Variants in HOXB3 observed in about 807,000 individuals in gnomAD.
The protein encoded by HOXB3 is homeobox B3.
Under a neutral mutation model 29.2 loss-of-function variants are expected in HOXB3, and 17 were observed. The observed-to-expected ratio is 0.58, with a 90% CI of 0.40 to 0.87. The LOEUF (loss-of-function observed/expected upper bound fraction) is 0.87. Among genes scored for constraint, HOXB3 ranks in the 40% least tolerant of loss-of-function variants. The pLI is 0.00. For missense variants in HOXB3, 637 were observed against 616.3 expected (o/e 1.03, Z -0.35); for synonymous variants, 317 against 285.9 (o/e 1.11, Z -1.10).
chr17:48,587,216 C>T (rs1236412088), intron 1 of HOXB3, among the ~76,000 whole-genome samples: 1 of 152,108 alleles, frequency 6.6e-6, no homozygotes, highest in Non-Finnish European at 1.5e-5. Context: ...AAGGGGCCCC[C>T]GTTTTTCCCT....
intron 2 of HOXB3, chr17:48,560,397 TTG>T (rs1452024419): frequency 2.1e-5 from 1 of 46,666 alleles, no homozygotes; most frequent in Admixed American, 1.9e-4. Flanking sequence ...GCCAGCTCTT[TTG>T]TTTTTTTTTT....
chr17:48,555,331 A>T, intron 3 of HOXB3, 200 bp downstream of exon 3: 1 of 510,480 alleles, frequency 2.0e-6, no homozygotes, highest in Non-Finnish European at 3.4e-6. Context: ...GGGGAGAGAG[A>T]GAGGGAGAGA....
rs2068868759 is a variant in HOXB3, at chr17:48,554,154, ACCATTAG to A, written c.-159+1370_-159+1376del. Reference sequence around the variant, plus strand: ...CTGACCCAATCCCTTTATTATTATTACCATTAGCCTCTGCTGATTTAACCAAAATTAG... The same window carrying A: ...CTGACCCAATCCCTTTATTATTATTACCTCTGCTGATTTAACCAAAATTAG... On this transcript the variant is annotated intron_variant, in intron 3 of 4. Coordinates refer to ENST00000498678, the MANE Select transcript of HOXB3 (RefSeq NM_001384749.1). The surrounding 1 kb of genome is among the most constrained non-coding windows in gnomAD (Gnocchi z 4.1). 5.9e-6 allele frequency: 1 copy of A among 168,408 alleles called. No individual in the cohort carries two copies. Among genetic ancestry groups the A allele is most frequent in the Admixed American group, 5.5e-5 (1 of 18,194 alleles). The allele number at this position is 168,408 out of a possible 1,614,324, so 10.4% of individuals were successfully genotyped here.
intron 2 of HOXB3, among the ~76,000 whole-genome samples, chr17:48,565,504 C>T (rs1046157780): frequency 1.3e-5 from 2 of 152,228 alleles, no homozygotes; most frequent in Admixed American, 1.3e-4. Flanking sequence ...TTCTAACCAT[C>T]TCTGTTGTCT....
At chr17:48,551,968 A>T in intron 4 of HOXB3, 59 bp downstream of exon 4, 1 of 1,484,968 alleles carries the variant, frequency 6.7e-7, no homozygotes, top group Non-Finnish European at 9.1e-7. Flanking sequence ...GTGCTAGAAT[A>T]ACAGTGACAT....
In HOXB3 at chr17:48,564,097, T is replaced by C. The variant is rs533810572; in HGVS notation, c.-246-8479A>G. On this transcript the variant is annotated intron_variant, in intron 2 of 4. Coordinates refer to ENST00000498678, the MANE Select transcript of HOXB3 (RefSeq NM_001384749.1). ...CCTTTCAAAGTTGCTCTCATCTTCGTCTTCAATTCGGATCCCGGCCTGTCC... is the reference window on the plus strand; with the variant it reads ...CCTTTCAAAGTTGCTCTCATCTTCGCCTTCAATTCGGATCCCGGCCTGTCC... Among the ~76,000 whole-genome samples, 40 of 148,410 alleles carry C rather than the reference T, an allele frequency of 2.7e-4. 1 individual carries two copies. The East Asian group carries it at 7.6e-3, about 28-fold the overall frequency.
intron 1 of HOXB3, chr17:48,582,399 C>G (rs2069966022): frequency 6.6e-6 from 1 of 152,158 alleles, no homozygotes; most frequent in South Asian, 2.1e-4. Flanking sequence ...CGGACCGCGG[C>G]GGCGGACACA....
At chr17:48,581,679 C>T (rs1332981317) in intron 1 of HOXB3, 2 of 152,228 alleles carry the variant, frequency 1.3e-5, no homozygotes, top group Admixed American at 6.5e-5. Flanking sequence ...CTGCTCTACA[C>T]TTCACAAGGG....
rs915555590 is a variant in HOXB3, at chr17:48,554,490, T to C, written c.-159+1041A>G. 2 of 612,958 alleles carry C rather than the reference T, an allele frequency of 3.3e-6. No homozygotes were observed. The highest frequency in any genetic ancestry group is 2.9e-6 in the Non-Finnish European group (1 of 343,978). 38.0% of individuals were successfully genotyped at this position (612,958 alleles called of 1,614,324 possible). On this transcript the variant is annotated intron_variant, in intron 3 of 4. Coordinates refer to ENST00000498678, the MANE Select transcript of HOXB3 (RefSeq NM_001384749.1). The surrounding 1 kb of genome is among the most constrained non-coding windows in gnomAD (Gnocchi z 4.1). ...GAAAGCGAAGGAGCCAGAGACGCGA[T>C]AGGAAAGAATGGAGACTCCGCCGGT...
intron 3 of HOXB3, 61 bp downstream of exon 3, chr17:48,555,470 A>C: frequency 1.4e-6 from 1 of 702,056 alleles, no homozygotes; most frequent in South Asian, 1.5e-5. Flanking sequence ...TATGGGCCAT[A>C]AATCATTGAG....
intron 3 of HOXB3, chr17:48,553,956 G>A (rs2068864261): frequency 6.6e-6 from 1 of 152,196 alleles, no homozygotes; most frequent in Admixed American, 6.5e-5. Flanking sequence ...TAAAATAAAA[G>A]GAGTGCAGGT....
chr17:48,550,733 C>T lies in HOXB3; in HGVS notation c.897G>A (p.Gln299=). 3 of 1,579,060 alleles carry T rather than the reference C, an allele frequency of 1.9e-6. No individual in the cohort carries two copies. Among genetic ancestry groups the T allele is most frequent in the Non-Finnish European group, 2.6e-6 (3 of 1,160,278 alleles). ...PSPPAFGKAH[Q]NAYALPSNYQ... is the part of the protein sequence containing the mutation. ...AGTTGGAGGGCAGCGCGTAGGCATT[C>T]TGGTGGGCTTTACCGAAGGCGGGTG... The change falls in exon 5 of 5, where the codon CAG becomes CAA. Residue 299 remains glutamine, a synonymous_variant. Coordinates refer to ENST00000498678, the MANE Select transcript of HOXB3 (RefSeq NM_001384749.1).
rs780233987 is a variant in HOXB3, at chr17:48,550,824, A to G, written c.806T>C (p.Met269Thr). ...PSPAGSPPQP[M>T]QSTAGFMNAL... ...GTTCATGAAGCCGGCCGTGGACTGCATGGGCTGCGGGGGGCTGCCGGCTGG... is the reference window on the plus strand; with the variant it reads ...GTTCATGAAGCCGGCCGTGGACTGCGTGGGCTGCGGGGGGCTGCCGGCTGG... The change falls in exon 5 of 5, where the codon ATG becomes ACG. Residue 269 changes from methionine (M) to threonine (T), a missense_variant. By Grantham distance (81) the Met-to-Thr change is moderately conservative (BLOSUM62 -1). Coordinates refer to ENST00000498678, the MANE Select transcript of HOXB3 (RefSeq NM_001384749.1). The G allele has an allele frequency of 1.2e-6, 2 of 1,613,674 alleles. No individual in the cohort carries two copies. Among genetic ancestry groups the G allele is most frequent in the African/African-American group, 1.3e-5 (1 of 74,954 alleles).
chr17:48,588,313 T>G (rs1435868530), intron 1 of HOXB3, among the ~76,000 whole-genome samples: 1 of 152,188 alleles, frequency 6.6e-6, no homozygotes, highest in Non-Finnish European at 1.5e-5. Flanking sequence ...GAGGTGGAAG[T>G]GGGCACCCCA....
chr17:48,584,541 C>T (rs976136733), intron 1 of HOXB3, among the ~76,000 whole-genome samples: 4 of 152,212 alleles, frequency 2.6e-5, no homozygotes, highest in Non-Finnish European at 4.4e-5. Context: ...CAAACCTTCA[C>T]ATTGGAAGTA....
intron 1 of HOXB3, among the ~76,000 whole-genome samples, chr17:48,584,880 C>A (rs956234058): frequency 5.9e-5 from 9 of 152,066 alleles, no homozygotes; most frequent in Non-Finnish European, 1.2e-4. Context: ...ATCCCAGGCT[C>A]CCTCGTCCGT....
Position 48,550,351 on chromosome 17 carries a change from T to C in HOXB3, c.1279A>G (p.Lys427Glu). ...PPQGRIQEAP[K>E]LTHL ...CTTTCCCATCACAGGTGTGTTAATT[T>C]GGGCGCTTCTTGGATTCTACCCTGA... The change falls in exon 5 of 5, where the codon AAA becomes GAA. Residue 427 changes from lysine (K) to glutamate (E), a missense_variant. By Grantham distance (56) the Lys-to-Glu change is moderately conservative. Coordinates refer to ENST00000498678, the MANE Select transcript of HOXB3 (RefSeq NM_001384749.1). 1 of 1,614,088 alleles carries C rather than the reference T, an allele frequency of 6.2e-7. No individual in the cohort carries two copies.
chr17:48,589,087 T>C (rs1034002197), intron 1 of HOXB3, among the ~76,000 whole-genome samples: 6 of 152,036 alleles, frequency 3.9e-5, no homozygotes, highest in African/African-American at 1.2e-4. Flanking sequence ...TTTAGAAGGG[T>C]GACTTTTCCC....
chr17:48,574,143 T>C (rs1464419847), intron 1 of HOXB3, 129 bp from the exon 2 acceptor site: 2 of 428,146 alleles, frequency 4.7e-6, no homozygotes, highest in East Asian at 7.9e-5. Context: ...TTAAGCTCCA[T>C]AGAAATCTTT....
Sources: gnomAD v4.1 joint callset for allele counts (sites outside exome capture counted in the v4.1 genomes callset) on GRCh38, gnomAD v4.1.1 for gene constraint, Gnocchi (gnomAD v3.1) non-coding constraint, MANE v1.5 for transcripts, NCBI Gene and HGNC (gene_info 2026-07-23, HGNC 2026-07-21) for gene names.